GABRG3: variants seen among roughly 807,000 people sequenced by gnomAD.
The protein encoded by GABRG3 is gamma-aminobutyric acid type A receptor subunit gamma3, also known as gamma-aminobutyric acid receptor subunit gamma-3.
In GABRG3, 25 loss-of-function variants were observed where a neutral mutation model predicts 48.8. The observed-to-expected ratio is 0.51, with a 90% CI of 0.37 to 0.72. The LOEUF (loss-of-function observed/expected upper bound fraction) is 0.72, where lower values mean the gene tolerates loss of function less well. Ranked by LOEUF, GABRG3 falls within the 30% of genes least tolerant of loss-of-function variation. The pLI is 0.00. For missense variants in GABRG3, 394 were observed against 577.9 expected (o/e 0.68, Z 3.26); for synonymous variants, 227 against 217.6 (o/e 1.04, Z -0.38).
At chr15:27,167,995 C>T (rs532549416) in intron 3 of GABRG3, among the ~76,000 whole-genome samples, 3 of 152,230 alleles carry the variant, frequency 2.0e-5, no homozygotes, top group Non-Finnish European at 2.9e-5. Flanking sequence ...TGGAGGGACC[C>T]GGCCCAAATC....
intron 3 of GABRG3, among the ~76,000 whole-genome samples, chr15:27,059,894 G>T (rs937657689): frequency 6.6e-6 from 1 of 152,194 alleles, no homozygotes; most frequent in African/African-American, 2.4e-5. Flanking sequence ...GTAGCAAAAG[G>T]TGGCCATTCC....
chr15:27,122,014 TAGAA>T (rs1421785661), intron 3 of GABRG3, among the ~76,000 whole-genome samples: 2 of 152,050 alleles, frequency 1.3e-5, no homozygotes, highest in Non-Finnish European at 2.9e-5. Context: ...ATACAAAAAA[TAGAA>T]AGAATGAATA....
At chr15:27,175,761 T>A (rs984858470) in intron 3 of GABRG3, among the ~76,000 whole-genome samples, 1 of 152,252 alleles carries the variant, frequency 6.6e-6, no homozygotes, top group Non-Finnish European at 1.5e-5. Flanking sequence ...CTTTTCCCTG[T>A]ACCATGCATT....
intron 2 of GABRG3, among the ~76,000 whole-genome samples, chr15:26,988,547 C>T (rs1895190716): frequency 6.6e-6 from 1 of 151,926 alleles, no homozygotes; most frequent in Admixed American, 6.5e-5. Context: ...AAATGTGTTT[C>T]TTGTAGATGA....
intron 3 of GABRG3, 109 bp downstream of exon 3, chr15:27,026,930 T>G (rs1895994230): frequency 1.5e-6 from 1 of 677,646 alleles, no homozygotes; most frequent in Middle Eastern, 2.5e-4. Flanking sequence ...AAACTCACAC[T>G]GACTTCTTAA....
rs981543952 is a variant in GABRG3 at position 27,351,793 on chromosome 15, CTG to C, written c.574+22907_574+22908del. ...TAGTGTGTGTTTGTGTGTATGGTGT[CTG>C]TATATATGATGTGTGTGTTTATGGT... On this transcript the variant is annotated intron_variant, in intron 5 of 9. Coordinates refer to ENST00000615808, the MANE Select transcript of GABRG3 (RefSeq NM_033223.5). 5.8e-5 allele frequency among the ~76,000 whole-genome samples: 8 copies of C among 138,884 alleles called. No homozygotes were observed. In the East Asian group the frequency reaches 1.1e-3, roughly 19 times the overall value. The allele number at this position is 138,884 out of a possible 152,430, so 91.1% of individuals were successfully genotyped here.
At chr15:27,262,265 T>C (rs1181893947) in intron 3 of GABRG3, among the ~76,000 whole-genome samples, 1 of 152,218 alleles carries the variant, frequency 6.6e-6, no homozygotes, top group Non-Finnish European at 1.5e-5. Flanking sequence ...AGGTCTAAGC[T>C]GGAGGTAGTC....
Position 27,021,996 on chromosome 15 carries a change from T to C in GABRG3, c.203-4758T>C, listed in dbSNP as rs1595477392. On this transcript the variant is annotated intron_variant, in intron 2 of 9. Coordinates refer to ENST00000615808, the MANE Select transcript of GABRG3 (RefSeq NM_033223.5). ...CTGGATGCCTGCCACCTCCATGCTC[T>C]GGGGCTCTGTGTAAATCCATAGGCT... Among the ~76,000 whole-genome samples, 3 of 152,196 alleles carry C rather than the reference T, an allele frequency of 2.0e-5. No individual in the cohort carries two copies. The South Asian group carries it at 6.2e-4, about 32-fold the overall frequency.
intron 3 of GABRG3, among the ~76,000 whole-genome samples, chr15:27,143,797 TC>T (rs556258118): frequency 2.0e-4 from 30 of 152,338 alleles, no homozygotes; most frequent in African/African-American, 6.7e-4. Context: ...AGCATTGGGT[TC>T]TTTTAAAAAA....
chr15:27,318,128 G>A (rs774538263), intron 3 of GABRG3, among the ~76,000 whole-genome samples: 5 of 152,140 alleles, frequency 3.3e-5, no homozygotes, highest in African/African-American at 4.8e-5. Context: ...TCATGATTCC[G>A]TTTTGGGTGG....
intron 5 of GABRG3, among the ~76,000 whole-genome samples, chr15:27,471,848 AAT>A (rs1477075587): frequency 6.6e-6 from 1 of 152,180 alleles, no homozygotes; most frequent in Non-Finnish European, 1.5e-5. Flanking sequence ...ACCAATACAC[AAT>A]AGGTTTAGTG....
At chr15:27,014,119 T>C (rs1410928153) in intron 2 of GABRG3, among the ~76,000 whole-genome samples, 1 of 152,102 alleles carries the variant, frequency 6.6e-6, no homozygotes, top group African/African-American at 2.4e-5. Flanking sequence ...AGTCTCACAA[T>C]TTTTCTTATT....
At chr15:27,164,887 G>A (rs1477267217) in intron 3 of GABRG3, among the ~76,000 whole-genome samples, 1 of 152,172 alleles carries the variant, frequency 6.6e-6, no homozygotes, top group Non-Finnish European at 1.5e-5. Flanking sequence ...ATTAATACAG[G>A]TGGGCTCCTC....
chr15:27,462,044 C>T (rs1174025552), intron 5 of GABRG3, among the ~76,000 whole-genome samples: 3 of 152,186 alleles, frequency 2.0e-5, no homozygotes, highest in African/African-American at 7.2e-5. Context: ...TCTCCTTTCC[C>T]TCATCTGCCC....
At chr15:27,493,841 G>C (rs1023175273) in intron 6 of GABRG3, among the ~76,000 whole-genome samples, 2 of 152,060 alleles carry the variant, frequency 1.3e-5, no homozygotes, top group African/African-American at 2.4e-5. Flanking sequence ...TATTTGTTGC[G>C]GTGAAAGAAC....
chr15:27,070,751 T>G (rs1305217805), intron 3 of GABRG3, among the ~76,000 whole-genome samples: 1 of 152,202 alleles, frequency 6.6e-6, no homozygotes, highest in East Asian at 1.9e-4. Context: ...GGTAGGGTGA[T>G]TTATTTAGAA....
In GABRG3 at chr15:27,489,830, A is replaced by G. The variant is rs374675658; in HGVS notation, c.712+9043A>G. Among the ~76,000 whole-genome samples, 3 of 152,188 alleles carry G rather than the reference A, an allele frequency of 2.0e-5. No homozygotes were observed. In the East Asian group the frequency reaches 5.8e-4, roughly 29 times the overall value. ...CTCCCATTCTATAGGTCGCCTGTTC[A>G]TTCTGATGATAGTTTCTTTTGCTGT... On this transcript the variant is annotated intron_variant, in intron 6 of 9. Transcript: ENST00000615808.
At chr15:27,506,973 G>A (rs561779296) in intron 6 of GABRG3, among the ~76,000 whole-genome samples, 2 of 151,910 alleles carry the variant, frequency 1.3e-5, no homozygotes, top group East Asian at 1.9e-4. Context: ...TGCTATAAAT[G>A]TGCATCTATG....
Position 27,447,159 on chromosome 15 carries a change from T to C in GABRG3, c.575-33491T>C, listed in dbSNP as rs1346117486. 6.6e-6 allele frequency among the ~76,000 whole-genome samples: 1 copy of C among 152,062 alleles called. No homozygotes were observed. Among genetic ancestry groups the C allele is most frequent in the Non-Finnish European group, 1.5e-5 (1 of 68,024 alleles). On this transcript the variant is annotated intron_variant, in intron 5 of 9. Transcript: ENST00000615808. This position sits in a 1 kb window ranked among gnomAD's most constrained non-coding sequence, Gnocchi z 4.0. ...CAGCACAGAGGACGGAACAACTAAT[T>C]CTATGTGGAGGAGTAAGGCAAGGCT...
Sources: allele counts gnomAD v4.1 joint callset (sites outside exome capture counted in the v4.1 genomes callset), GRCh38; gene constraint gnomAD v4.1.1; non-coding constraint Gnocchi (gnomAD v3.1); transcripts MANE v1.5; gene names NCBI Gene and HGNC (gene_info 2026-07-23, HGNC 2026-07-21).